EFCAB5: variants seen among roughly 807,000 people sequenced by gnomAD.
EFCAB5 encodes EF-hand calcium binding domain 5, also known as EF-hand calcium-binding domain-containing protein 5.
In EFCAB5, 131 loss-of-function variants were observed where a neutral mutation model predicts 167.9. The ratio of observed to expected loss-of-function variants is 0.78; its 90% CI spans 0.68 to 0.90. EFCAB5 has a LOEUF of 0.90. Ranked by LOEUF, EFCAB5 falls within the 40% of genes least tolerant of loss-of-function variation. The probability of loss-of-function intolerance (pLI) is 0.00; values close to 1 mark genes in which losing one functional copy is unlikely to be tolerated. For missense variants in EFCAB5, 1,663 were observed against 1,745.2 expected, an observed-to-expected ratio of 0.95 and a Z score of 0.84; for synonymous variants, 574 against 602.8, an observed-to-expected ratio of 0.95 and a Z score of 0.70.
intron 3 of EFCAB5, among the ~76,000 whole-genome samples, chr17:29,955,301 C>T (rs570710243): frequency 3.5e-4 from 54 of 152,214 alleles, no homozygotes; most frequent in Middle Eastern, 6.8e-3. Context: ...ATAATTCCCA[C>T]GTGTCATGGG....
intron 22 of EFCAB5, among the ~76,000 whole-genome samples, chr17:30,103,117 C>A (rs2071402857): frequency 6.6e-6 from 1 of 151,796 alleles, no homozygotes; most frequent in Non-Finnish European, 1.5e-5. Context: ...CATGCGTGAG[C>A]CACTGCATCC....
intron 21 of EFCAB5, 113 bp downstream of exon 21, chr17:30,092,270 G>A: frequency 8.9e-7 from 1 of 1,118,206 alleles, no homozygotes; most frequent in Non-Finnish European, 1.2e-6. Context: ...AATTTTTACT[G>A]AGTGGAACAC....
intron 18 of EFCAB5, among the ~76,000 whole-genome samples, chr17:30,084,761 C>T (rs1029735264): frequency 7.2e-5 from 11 of 152,184 alleles, no homozygotes; most frequent in Non-Finnish European, 1.3e-4. Context: ...TATCCATGGG[C>T]TCTTTGGCCC....
At chr17:30,050,698 G>C (rs2070066934) in intron 8 of EFCAB5, among the ~76,000 whole-genome samples, 1 of 152,070 alleles carries the variant, frequency 6.6e-6, no homozygotes, top group Non-Finnish European at 1.5e-5. Flanking sequence ...TGGGTGTTGG[G>C]AACACATATG....
intron 13 of EFCAB5, among the ~76,000 whole-genome samples, chr17:30,058,153 C>T (rs1013505289): frequency 4.6e-5 from 7 of 152,116 alleles, no homozygotes; most frequent in African/African-American, 1.2e-4. Context: ...TTCTCTGAAG[C>T]TTTTTGAGAA....
chr17:29,951,408 G>T (rs962613183), intron 3 of EFCAB5, among the ~76,000 whole-genome samples: 1 of 152,094 alleles, frequency 6.6e-6, no homozygotes, highest in Admixed American at 6.6e-5. Flanking sequence ...GGCGATCTCC[G>T]CTCACTGCAA....
At chr17:29,952,180 T>C (rs570112463) in intron 3 of EFCAB5, among the ~76,000 whole-genome samples, 15 of 152,116 alleles carry the variant, frequency 9.9e-5, no homozygotes, top group African/African-American at 2.6e-4. Context: ...GCAGAATAGA[T>C]GGAAGGGCAA....
chr17:30,101,037 T>C (rs560132371), intron 22 of EFCAB5, among the ~76,000 whole-genome samples: 3 of 152,286 alleles, frequency 2.0e-5, no homozygotes, highest in Non-Finnish European at 2.9e-5. Flanking sequence ...AATGGAGGAC[T>C]GAATCAATTA....
intron 3 of EFCAB5, among the ~76,000 whole-genome samples, chr17:29,951,211 A>G (rs982244268): frequency 6.6e-6 from 1 of 152,252 alleles, no homozygotes; most frequent in African/African-American, 2.4e-5. Context: ...GACATTCTGT[A>G]GATGAAATGT....
rs879013068 is a variant in EFCAB5 at position 30,053,804 on chromosome 17, A to T, written c.1850A>T (p.Asp617Val). The change falls in exon 10 of 23, where the codon GAT becomes GTT. Residue 617 changes from aspartate (D) to valine (V), a missense_variant. By Grantham distance (152) the Asp-to-Val change is radical. Coordinates refer to ENST00000394835, the MANE Select transcript of EFCAB5 (RefSeq NM_198529.4). Reference protein sequence around the residue: ...GSRRESIAEQDRHKGSVAEQG... With the variant: ...GSRRESIAEQVRHKGSVAEQG... Reference sequence around the variant, plus strand: ...CGCAGAGAGTCTATTGCAGAACAAGATCGACACAAAGGGTCAGTAGCAGAA... The same window carrying T: ...CGCAGAGAGTCTATTGCAGAACAAGTTCGACACAAAGGGTCAGTAGCAGAA... 6.2e-7 allele frequency: 1 copy of T among 1,613,934 alleles called. No homozygotes were observed. The highest frequency in any genetic ancestry group is 2.2e-5 in the East Asian group (1 of 44,870).
At chr17:30,040,346 C>T (rs1026001551) in intron 8 of EFCAB5, among the ~76,000 whole-genome samples, 2 of 152,210 alleles carry the variant, frequency 1.3e-5, no homozygotes, top group African/African-American at 2.4e-5. Context: ...GCAGTGCAGT[C>T]AGGCACCTCC....
intron 1 of EFCAB5, among the ~76,000 whole-genome samples, chr17:29,931,114 GA>G (rs1356916069): frequency 3.3e-5 from 5 of 152,062 alleles, no homozygotes; most frequent in Non-Finnish European, 7.4e-5. Flanking sequence ...GATTAAAAAG[GA>G]AAAAAATTGC....
chr17:30,028,924 A>G (rs1170817950), intron 7 of EFCAB5, among the ~76,000 whole-genome samples: 1 of 152,086 alleles, frequency 6.6e-6, no homozygotes, highest in Non-Finnish European at 1.5e-5. Context: ...CCTCATTTTA[A>G]TTTAATTACC....
chr17:29,940,017 G>A (rs1323826297), upstream of EFCAB5, among the ~76,000 whole-genome samples: 1 of 151,394 alleles, frequency 6.6e-6, no homozygotes, highest in Non-Finnish European at 1.5e-5. Context: ...CATTTTGTGT[G>A]TACCTCTACT....
At chr17:30,075,563 C>A (rs943885467) in intron 14 of EFCAB5, among the ~76,000 whole-genome samples, 16 of 152,316 alleles carry the variant, frequency 1.1e-4, no homozygotes, top group African/African-American at 3.8e-4. Flanking sequence ...CCTCCTCACC[C>A]TGCTCAAGAT....
chr17:30,011,883 A>C (rs189817286), intron 7 of EFCAB5, among the ~76,000 whole-genome samples: 13 of 152,226 alleles, frequency 8.5e-5, no homozygotes, highest in Non-Finnish European at 1.6e-4. Context: ...TAGTTATACC[A>C]TATATAGATC....
At chr17:30,041,402 A>T (rs1306153098) in intron 8 of EFCAB5, among the ~76,000 whole-genome samples, 1 of 152,220 alleles carries the variant, frequency 6.6e-6, no homozygotes. Context: ...TAGCAAGAAA[A>T]CTAGAATTAT....
At chr17:30,017,763 C>T (rs1293207824) in intron 7 of EFCAB5, among the ~76,000 whole-genome samples, 1 of 152,082 alleles carries the variant, frequency 6.6e-6, no homozygotes, top group East Asian at 1.9e-4. Flanking sequence ...AATATTTTCT[C>T]ATATCTTTCT....
chr17:29,981,971 A>G (rs2068184973), intron 4 of EFCAB5, among the ~76,000 whole-genome samples: 1 of 152,238 alleles, frequency 6.6e-6, no homozygotes, highest in Non-Finnish European at 1.5e-5. Context: ...TTTTTCTTAA[A>G]TCATTAAATT....
Sources: gnomAD v4.1 joint callset for allele counts (sites outside exome capture counted in the v4.1 genomes callset) on GRCh38, gnomAD v4.1.1 for gene constraint, MANE v1.5 for transcripts, NCBI Gene and HGNC (gene_info 2026-07-23, HGNC 2026-07-21) for gene names.